GPC5: variants seen among roughly 807,000 people sequenced by gnomAD.
The protein encoded by GPC5 is glypican 5.
A neutral mutation model predicts 53.9 loss-of-function variants in GPC5; 47 were observed. The ratio of observed to expected loss-of-function variants is 0.87; its 90% CI spans 0.69 to 1.11. The LOEUF (loss-of-function observed/expected upper bound fraction) is 1.11. GPC5 is among the 50% of genes most tolerant of loss of function. GPC5 has a pLI of 0.00. For synonymous variants in GPC5, 286 were observed against 263.3 expected, an observed-to-expected ratio of 1.09 and a Z score of -0.84; for missense variants, 748 against 713.1, an observed-to-expected ratio of 1.05 and a Z score of -0.56.
intron 7 of GPC5, among the ~76,000 whole-genome samples, chr13:92,626,667 G>T (rs1310392276): frequency 6.6e-6 from 1 of 152,106 alleles, no homozygotes; most frequent in Non-Finnish European, 1.5e-5. Flanking sequence ...TGGATTAAAG[G>T]TGGCCCAGCT....
chr13:91,831,526 C>A (rs1475519421), intron 5 of GPC5, among the ~76,000 whole-genome samples: 1 of 151,916 alleles, frequency 6.6e-6, no homozygotes, highest in East Asian at 1.9e-4. Flanking sequence ...TTAGTGTCTA[C>A]AGTCTGTATA....
At chr13:92,132,771 C>T (rs1204906196) in intron 6 of GPC5, among the ~76,000 whole-genome samples, 1 of 151,974 alleles carries the variant, frequency 6.6e-6, no homozygotes, top group African/African-American at 2.4e-5. Flanking sequence ...AGGACATTAG[C>T]ATATATTTTG....
intron 2 of GPC5, among the ~76,000 whole-genome samples, chr13:91,596,475 C>G (rs1233712966): frequency 2.0e-5 from 3 of 152,088 alleles, no homozygotes; most frequent in Admixed American, 2.0e-4. Flanking sequence ...TTGGCTTTGA[C>G]GTATTGGTTT....
At chr13:91,931,902 T>C (rs2139032766) in intron 6 of GPC5, among the ~76,000 whole-genome samples, 1 of 152,144 alleles carries the variant, frequency 6.6e-6, no homozygotes, top group South Asian at 2.1e-4. Context: ...ATTACATCTC[T>C]GTTTATAGAC....
chr13:91,788,624 T>C (rs1216353780), intron 5 of GPC5, among the ~76,000 whole-genome samples: 36 of 152,316 alleles, frequency 2.4e-4, no homozygotes, highest in Admixed American at 2.2e-3. Context: ...GTGATATATA[T>C]ACTATTATTC....
At chr13:91,548,013 C>T (rs1195930597) in intron 2 of GPC5, among the ~76,000 whole-genome samples, 2 of 152,104 alleles carry the variant, frequency 1.3e-5, no homozygotes, top group Non-Finnish European at 2.9e-5. Context: ...TAACATCATA[C>T]TTAATGAAGA....
intron 7 of GPC5, among the ~76,000 whole-genome samples, chr13:92,410,566 A>G (rs1875998232): frequency 6.6e-6 from 1 of 152,186 alleles, no homozygotes; most frequent in South Asian, 2.1e-4. Context: ...TTCCAGTTCA[A>G]AGGAAAAACA....
intron 7 of GPC5, among the ~76,000 whole-genome samples, chr13:92,603,306 A>G (rs796641812): frequency 1.1e-4 from 16 of 151,616 alleles, no homozygotes; most frequent in African/African-American, 3.6e-4. Flanking sequence ...TTTTTTTTCC[A>G]TATTCTAAAG....
chr13:92,031,732 CATATTAT>C (rs1566403129), intron 6 of GPC5, among the ~76,000 whole-genome samples: 389 of 30,580 alleles, frequency 0.013, 49 homozygotes, highest in African/African-American at 0.05. Context: ...TAATATATTA[CATATTAT>C]ATATAATATA....
At chr13:92,685,044 T>A (rs1288548133) in intron 7 of GPC5, among the ~76,000 whole-genome samples, 1 of 152,158 alleles carries the variant, frequency 6.6e-6, no homozygotes, top group Non-Finnish European at 1.5e-5. Flanking sequence ...CTGCCATCAG[T>A]AATTTTCCTT....
chr13:91,799,514 A>C (rs1237654290), intron 5 of GPC5, among the ~76,000 whole-genome samples: 1 of 152,126 alleles, frequency 6.6e-6, no homozygotes, highest in Admixed American at 6.5e-5. Flanking sequence ...TAAAAAGAAA[A>C]ATTTCAAAAT....
At chr13:91,837,749 G>T (rs2038738351) in intron 5 of GPC5, among the ~76,000 whole-genome samples, 1 of 152,072 alleles carries the variant, frequency 6.6e-6, no homozygotes, top group Non-Finnish European at 1.5e-5. Context: ...CATATTCTGA[G>T]CTCCAGTTGC....
At chr13:91,615,817 A>G (rs1263363796) in intron 2 of GPC5, among the ~76,000 whole-genome samples, 1 of 152,184 alleles carries the variant, frequency 6.6e-6, no homozygotes, top group Non-Finnish European at 1.5e-5. Context: ...TATCAATGAT[A>G]AACTCATCCT....
chr13:91,874,148 G>T (rs779211941), intron 5 of GPC5, among the ~76,000 whole-genome samples: 1 of 152,200 alleles, frequency 6.6e-6, no homozygotes, highest in African/African-American at 2.4e-5. Context: ...CATGTTCTGT[G>T]CCTGTGAAAG....
chr13:91,824,827 A>G (rs1381088748), intron 5 of GPC5, among the ~76,000 whole-genome samples: 1 of 152,112 alleles, frequency 6.6e-6, no homozygotes, highest in Non-Finnish European at 1.5e-5. Context: ...AAACTTTATT[A>G]AATAGTTATT....
intron 7 of GPC5, among the ~76,000 whole-genome samples, chr13:92,737,289 AG>A (rs1210324716): frequency 1.3e-5 from 2 of 152,112 alleles, no homozygotes; most frequent in East Asian, 3.9e-4. Flanking sequence ...AAAATAGTTC[AG>A]AAAAAATGCA....
chr13:91,877,503 T>G (rs573816018), intron 5 of GPC5, among the ~76,000 whole-genome samples: 2 of 152,216 alleles, frequency 1.3e-5, no homozygotes, highest in Non-Finnish European at 2.9e-5. Flanking sequence ...CTGCTGGATT[T>G]CAGACTTGCA....
chr13:91,682,839 G>C (rs1415957527), intron 2 of GPC5, among the ~76,000 whole-genome samples: 1 of 152,196 alleles, frequency 6.6e-6, no homozygotes, highest in African/African-American at 2.4e-5. Flanking sequence ...TTGATGCTTA[G>C]AGAGGTTAAA....
chr13:92,579,249 CCCTCCCT>C (rs1883287795), intron 7 of GPC5, among the ~76,000 whole-genome samples: 1 of 23,156 alleles, frequency 4.3e-5, no homozygotes, highest in African/African-American at 2.7e-4. Context: ...CTCTCTCCCT[CCCTCCCT>C]CCCTCCCTCC....
Sources: allele counts gnomAD v4.1 joint callset (sites outside exome capture counted in the v4.1 genomes callset), GRCh38; gene constraint gnomAD v4.1.1; transcripts MANE v1.5; gene names NCBI Gene and HGNC (gene_info 2026-07-23, HGNC 2026-07-21).